The following FAF1 variants were observed in gnomAD, a reference collection of about 807,000 sequenced individuals.
FAF1 encodes FAS-associated factor 1.
FAF1 carries 25 observed loss-of-function variants against 92.5 expected under a neutral mutation model. The observed-to-expected ratio is 0.27, with a 90% CI of 0.20 to 0.38. FAF1 has a LOEUF of 0.38. FAF1 is among the 10% of genes least tolerant of loss of function. The pLI, the probability that FAF1 is intolerant of heterozygous loss-of-function variation, is 1.00. For synonymous variants in FAF1, 234 were observed against 273.2 expected (o/e 0.86, Z 1.42); for missense variants, 636 against 793.3 (o/e 0.80, Z 2.38).
chr1:50,517,650 C>T (rs1647268899), intron 15 of FAF1, among the ~76,000 whole-genome samples: 1 of 152,186 alleles, frequency 6.6e-6, no homozygotes, highest in African/African-American at 2.4e-5. Context: ...TTTGAGAACT[C>T]CCACACCAAT....
chr1:50,828,610 C>T (rs1298854842), intron 2 of FAF1, among the ~76,000 whole-genome samples: 1 of 152,140 alleles, frequency 6.6e-6, no homozygotes, highest in Non-Finnish European at 1.5e-5. Flanking sequence ...ATGGATACCC[C>T]ATGAGAAAAA....
At chr1:50,643,252 T>C (rs1020559115) in intron 8 of FAF1, among the ~76,000 whole-genome samples, 1 of 152,200 alleles carries the variant, frequency 6.6e-6, no homozygotes, top group African/African-American at 2.4e-5. Flanking sequence ...CATGCATTAT[T>C]AACCTAACAG....
chr1:50,711,098 C>T (rs921350047), intron 6 of FAF1, among the ~76,000 whole-genome samples: 4 of 151,810 alleles, frequency 2.6e-5, no homozygotes, highest in South Asian at 2.1e-4. Flanking sequence ...TTAGTAGAGA[C>T]GGGGTTTCAC....
chr1:50,817,583 T>C (rs184521802), intron 2 of FAF1, among the ~76,000 whole-genome samples: 2 of 152,204 alleles, frequency 1.3e-5, no homozygotes, highest in African/African-American at 4.8e-5. Context: ...CATAAAATTA[T>C]GAATATATTT....
At chr1:50,684,866 A>C (rs1656584426) in intron 7 of FAF1, among the ~76,000 whole-genome samples, 1 of 152,212 alleles carries the variant, frequency 6.6e-6, no homozygotes, top group African/African-American at 2.4e-5. Flanking sequence ...CTGTATAGAG[A>C]ATATAAACAT....
At chr1:50,537,183 A>T (rs115106551) in intron 14 of FAF1, among the ~76,000 whole-genome samples, 2,023 of 152,296 alleles carry the variant, frequency 0.013, 43 homozygotes, top group African/African-American at 0.045. Flanking sequence ...GGAAATGGGT[A>T]CTATATGGAG....
intron 13 of FAF1, among the ~76,000 whole-genome samples, chr1:50,563,356 A>G (rs1175010953): frequency 6.6e-6 from 1 of 152,080 alleles, no homozygotes; most frequent in Non-Finnish European, 1.5e-5. Flanking sequence ...GCTTGAGGCC[A>G]GGAGTTTCAG....
chr1:50,898,788 C>T (rs1191463797), intron 1 of FAF1, among the ~76,000 whole-genome samples: 3 of 152,162 alleles, frequency 2.0e-5, no homozygotes, highest in South Asian at 2.1e-4. Context: ...TTAAATTTTT[C>T]GATTTTCACA....
At chr1:50,486,463 A>G (rs1262338861) in intron 17 of FAF1, among the ~76,000 whole-genome samples, 2 of 151,880 alleles carry the variant, frequency 1.3e-5, no homozygotes, top group Non-Finnish European at 2.9e-5. Context: ...TCTATTCATT[A>G]GTCCAGACAA....
chr1:50,793,254 T>C (rs1337190635), intron 3 of FAF1, among the ~76,000 whole-genome samples: 1 of 152,206 alleles, frequency 6.6e-6, no homozygotes, highest in Non-Finnish European at 1.5e-5. Flanking sequence ...CCACAGGTAC[T>C]TATTGTAAAT....
intron 2 of FAF1, among the ~76,000 whole-genome samples, chr1:50,849,313 A>G (rs1446838847): frequency 6.6e-6 from 1 of 152,008 alleles, no homozygotes; most frequent in African/African-American, 2.4e-5. Context: ...CACTATGCCA[A>G]TTGTTGTGTA....
intron 8 of FAF1, among the ~76,000 whole-genome samples, chr1:50,614,103 A>G (rs916036185): frequency 6.6e-6 from 1 of 152,134 alleles, no homozygotes; most frequent in African/African-American, 2.4e-5. Context: ...CTGAAAAAAA[A>G]AGAAAAAAAA....
In FAF1 at chr1:50,552,955, A is replaced by G. The variant is rs184820473; in HGVS notation, c.1269-13227T>C. 1.6e-3 allele frequency among the ~76,000 whole-genome samples: 239 copies of G among 152,280 alleles called. 1 individual carries two copies. Among genetic ancestry groups the G allele is most frequent in the African/African-American group, 5.6e-3 (234 of 41,554 alleles). On this transcript the variant is annotated intron_variant, in intron 13 of 18. Transcript: ENST00000396153. ...AAAAGAGAAGAGAAAAGACAGTGTG[A>G]TTTTCTCTAGCTGTGTTCAACTGCA...
intron 1 of FAF1, among the ~76,000 whole-genome samples, chr1:50,955,995 G>A (rs140205173): frequency 3.3e-5 from 5 of 152,142 alleles, no homozygotes; most frequent in East Asian, 3.9e-4. Flanking sequence ...AGGAGAGAGG[G>A]ATATAAGGAC....
At chr1:50,945,271 T>C (rs938143257) in intron 1 of FAF1, among the ~76,000 whole-genome samples, 4 of 152,044 alleles carry the variant, frequency 2.6e-5, no homozygotes, top group African/African-American at 9.7e-5. Flanking sequence ...AGCCAGCTGA[T>C]TGGACTAGAA....
chr1:50,656,776 G>C (rs1029487518), intron 7 of FAF1, among the ~76,000 whole-genome samples: 3 of 152,078 alleles, frequency 2.0e-5, no homozygotes, highest in African/African-American at 7.2e-5. Flanking sequence ...CCAGCTACTC[G>C]GGAAGCTGAG....
At chr1:50,449,829 A>C (rs951344059) in intron 18 of FAF1, among the ~76,000 whole-genome samples, 1 of 151,800 alleles carries the variant, frequency 6.6e-6, no homozygotes, top group Non-Finnish European at 1.5e-5. Flanking sequence ...CTATTCTATT[A>C]GTTACTCTAT....
In FAF1 at chr1:50,738,859, T is replaced by C; in HGVS notation, c.551+4A>G. On this transcript the variant is annotated splice_donor_region_variant and intron_variant, in intron 6 of 18. Transcript: ENST00000396153. ...CATGTTCCCAGGAAATATAAACAAC[T>C]TACCCAGCATGACTAGATGATGAAG... 2 of 1,582,330 alleles carry C rather than the reference T, an allele frequency of 1.3e-6. No homozygotes were observed. Among genetic ancestry groups the C allele is most frequent in the Non-Finnish European group, 1.7e-6 (2 of 1,156,010 alleles).
intron 6 of FAF1, among the ~76,000 whole-genome samples, chr1:50,732,069 A>AT (rs1553133286): frequency 6.6e-5 from 10 of 151,348 alleles, no homozygotes; most frequent in Non-Finnish European, 1.0e-4. Flanking sequence ...CATTATTATT[A>AT]TTATTTATTT....
Sources: allele counts gnomAD v4.1 joint callset (sites outside exome capture counted in the v4.1 genomes callset), GRCh38; gene constraint gnomAD v4.1.1; transcripts MANE v1.5; gene names NCBI Gene and HGNC (gene_info 2026-07-23, HGNC 2026-07-21).